HECTD4: variants seen among roughly 807,000 people sequenced by gnomAD.
HECTD4 encodes probable E3 ubiquitin-protein ligase HECTD4.
Under a neutral mutation model 471.5 loss-of-function variants are expected in HECTD4, and 114 were observed. The observed-to-expected ratio is 0.24, with a 90% CI of 0.21 to 0.28. The LOEUF (loss-of-function observed/expected upper bound fraction) is 0.28, where lower values mean the gene tolerates loss of function less well. Among genes scored for constraint, HECTD4 ranks in the 10% least tolerant of loss-of-function variants. The pLI is 1.00. For missense variants in HECTD4, 3,866 were observed against 5,651.5 expected (o/e 0.68, Z 10.13); for synonymous variants, 2,012 against 2,256.0 (o/e 0.89, Z 3.07).
rs1421682727 is a variant in HECTD4 at position 112,167,888 on chromosome 12, C to T, written c.12238G>A (p.Val4080Met). The change falls in exon 71 of 76, where the codon GTG becomes ATG. Residue 4080 changes from valine to methionine, a missense_variant. Around this residue, in one of 16 missense-constraint regions of HECTD4, gnomAD observed 715 missense variants for 1,087.6 expected, o/e 0.66. Coordinates refer to ENST00000682272, the MANE Select transcript of HECTD4 (RefSeq NM_001388303.1). Reference protein sequence around the residue: ...SGSFRHFLWQVCKELQSSSLS... With the variant: ...SGSFRHFLWQMCKELQSSSLS... ...GAGGAACTCTGCAGCTCCTTACACA[C>T]CTGCCACAGGAAGTGGCGGAAAGAG... 1 of 1,613,458 alleles carries T rather than the reference C, an allele frequency of 6.2e-7. No homozygotes were observed. Among genetic ancestry groups the T allele is most frequent in the African/African-American group, 1.3e-5 (1 of 74,946 alleles).
chr12:112,310,605 C>T (rs1305780846), intron 4 of HECTD4, among the ~76,000 whole-genome samples: 5 of 152,124 alleles, frequency 3.3e-5, no homozygotes, highest in African/African-American at 7.2e-5. Flanking sequence ...AATGTCACAC[C>T]GTCAAATTAG....
chr12:112,187,874 C>T (rs1477630022), intron 60 of HECTD4, among the ~76,000 whole-genome samples: 1 of 151,748 alleles, frequency 6.6e-6, no homozygotes, highest in Non-Finnish European at 1.5e-5. Context: ...GATCCGCCCG[C>T]CTTGGCCTCC....
At chr12:112,334,109 T>C (rs1006013988) in intron 1 of HECTD4, among the ~76,000 whole-genome samples, 1 of 151,882 alleles carries the variant, frequency 6.6e-6, no homozygotes, top group Admixed American at 6.6e-5. Context: ...CTTGGGAGGC[T>C]GAGGCAGGAG....
chr12:112,323,432 A>T (rs1200582450), intron 1 of HECTD4, among the ~76,000 whole-genome samples: 1 of 152,188 alleles, frequency 6.6e-6, no homozygotes. Flanking sequence ...AGCTTATCAG[A>T]TCTGATGTAA....
intron 68 of HECTD4, 79 bp downstream of exon 68, chr12:112,171,038 C>G (rs766560667): frequency 3.9e-6 from 5 of 1,285,768 alleles, no homozygotes; most frequent in Non-Finnish European, 5.4e-6. Context: ...CCCAAGGACG[C>G]TGCCCGTGGA....
intron 8 of HECTD4, among the ~76,000 whole-genome samples, chr12:112,281,568 C>G (rs2034642110): frequency 6.6e-6 from 1 of 151,982 alleles, no homozygotes; most frequent in African/African-American, 2.4e-5. Context: ...AAAAACTGTC[C>G]TCTAGAAAGT....
intron 7 of HECTD4, chr12:112,302,595 C>CT: frequency 1.5e-6 from 1 of 659,546 alleles, no homozygotes; most frequent in South Asian, 1.6e-5. Context: ...TCACCACTTT[C>CT]TTGGCCTCCT....
intron 22 of HECTD4, among the ~76,000 whole-genome samples, chr12:112,253,340 G>A (rs185179937): frequency 1.4e-3 from 216 of 151,992 alleles, no homozygotes; most frequent in African/African-American, 4.2e-3. Context: ...GGCCAGGCTG[G>A]TCTCAAACTC....
At chr12:112,344,251 T>C (rs565903425) in intron 1 of HECTD4, among the ~76,000 whole-genome samples, 28 of 152,310 alleles carry the variant, frequency 1.8e-4, no homozygotes, top group African/African-American at 6.7e-4. Flanking sequence ...CCTTAATGGC[T>C]TTAAGGAGAA....
chr12:112,279,105 G>T, intron 9 of HECTD4, 123 bp downstream of exon 9: 2 of 760,022 alleles, frequency 2.6e-6, no homozygotes, highest in Non-Finnish European at 2.1e-6. Context: ...GGTATTTTTT[G>T]TTATCAGAGA....
intron 11 of HECTD4, 81 bp downstream of exon 11, chr12:112,273,574 T>C: frequency 1.5e-6 from 2 of 1,347,172 alleles, no homozygotes; most frequent in Admixed American, 1.8e-5. Context: ...GGTTGGGCTA[T>C]GTTTTCACCT....
intron 1 of HECTD4, among the ~76,000 whole-genome samples, chr12:112,338,891 T>C (rs2036004848): frequency 6.6e-6 from 1 of 152,034 alleles, no homozygotes; most frequent in Non-Finnish European, 1.5e-5. Context: ...GAGAACTCAC[T>C]CACCAGTGAG....
chr12:112,228,132 G>T lies in HECTD4; in HGVS notation c.6811C>A (p.Pro2271Thr). Residue 2271 changes from proline to threonine, a missense_variant, in exon 43 of 76, where the codon CCT (proline) becomes ACT (threonine). Pro to Thr is a conservative substitution (Grantham distance 38). Around this residue, in one of 16 missense-constraint regions of HECTD4, gnomAD observed 617 missense variants for 915.1 expected, o/e 0.67. Coordinates refer to ENST00000682272, the MANE Select transcript of HECTD4 (RefSeq NM_001388303.1). The surrounding 1 kb of genome is among the most constrained non-coding windows in gnomAD (Gnocchi z 4.9). ...SLPATGDGSA[P>T]VMAVVRLLAE... Reference sequence around the variant, plus strand: ...AGGAGCCGAACGACTGCCATCACAGGAGCTGACCCATCTCCTGTTGCAGGA... The same window carrying T: ...AGGAGCCGAACGACTGCCATCACAGTAGCTGACCCATCTCCTGTTGCAGGA... The T allele has an allele frequency of 6.2e-7, 1 of 1,613,748 alleles. No individual in the cohort carries two copies. The highest frequency in any genetic ancestry group is 8.5e-7 in the Non-Finnish European group (1 of 1,179,810).
intron 4 of HECTD4, among the ~76,000 whole-genome samples, chr12:112,312,700 A>C (rs545412683): frequency 2.0e-5 from 3 of 152,306 alleles, no homozygotes; most frequent in Non-Finnish European, 4.4e-5. Context: ...ATTAGCAGAC[A>C]AAAAAATTCA....
intron 6 of HECTD4, among the ~76,000 whole-genome samples, chr12:112,307,026 G>C (rs2035283525): frequency 6.6e-6 from 1 of 151,976 alleles, no homozygotes; most frequent in Admixed American, 6.6e-5. Context: ...CACTTAAAAT[G>C]ACTGAACATT....
chr12:112,278,195 G>C lies in HECTD4; in HGVS notation c.1687+1033C>G, dbSNP rs143468586. 2.4e-4 allele frequency among the ~76,000 whole-genome samples: 36 copies of C among 152,226 alleles called. No homozygotes were observed. In the East Asian group the frequency reaches 6.6e-3, roughly 28 times the overall value. ...CAGAAAGTAGATTGGTAGATGCCAG[G>C]GGTCAGGGAGTAGGAGAGCAACTGT... On this transcript the variant is annotated intron_variant, in intron 9 of 75. Coordinates refer to ENST00000682272, the MANE Select transcript of HECTD4 (RefSeq NM_001388303.1).
At position 112,188,420 on chromosome 12, in the gene HECTD4, C is replaced by G. The variant is rs16941909; in HGVS notation, c.9472+2366G>C. 0.087 allele frequency among the ~76,000 whole-genome samples: 13,215 copies of G among 152,234 alleles called. 628 individuals carry two copies. Among genetic ancestry groups the G allele is most frequent in the East Asian group, 0.23 (1,199 of 5,182 alleles). On this transcript the variant is annotated intron_variant, in intron 60 of 75. Transcript: ENST00000682272. This position sits in a 1 kb window ranked among gnomAD's most constrained non-coding sequence, Gnocchi z 4.2. Reference sequence around the variant, plus strand: ...GTCTAGAACCACAAGATGGACCACACGTTTGTGCCAAGGTCTCCTTCATAC... The same window carrying G: ...GTCTAGAACCACAAGATGGACCACAGGTTTGTGCCAAGGTCTCCTTCATAC...
chr12:112,172,702 A>G lies in HECTD4; in HGVS notation c.11754T>C (p.Asp3918=), dbSNP rs2031276977. 1 of 1,614,012 alleles carries G rather than the reference A, an allele frequency of 6.2e-7. No homozygotes were observed. Residue 3918 remains aspartate (D), a synonymous_variant, in exon 67 of 76, where the codon GAT becomes GAC. Coordinates refer to ENST00000682272, the MANE Select transcript of HECTD4 (RefSeq NM_001388303.1). ...HPHEVYLDPA[D]AADPRVACLL... ...GACAGGCCACTCTGGGGTCAGCAGC[A>G]TCCGCGGGGTCCAGGTACACCTCAT...
intron 49 of HECTD4, among the ~76,000 whole-genome samples, chr12:112,210,581 G>A (rs1412880928): frequency 2.0e-5 from 3 of 152,118 alleles, no homozygotes; most frequent in African/African-American, 7.2e-5. Flanking sequence ...CCTTCCACCT[G>A]GAATATTCTT....
Sources: allele counts gnomAD v4.1 joint callset (sites outside exome capture counted in the v4.1 genomes callset), GRCh38; gene constraint gnomAD v4.1.1; regional missense constraint gnomAD v4.1.1; non-coding constraint Gnocchi (gnomAD v3.1); transcripts MANE v1.5; gene names NCBI Gene and HGNC (gene_info 2026-07-23, HGNC 2026-07-21).